PLCE1: variants seen among roughly 807,000 people sequenced by gnomAD.
The protein encoded by PLCE1 is phospholipase C epsilon 1, also known as 1-phosphatidylinositol 4,5-bisphosphate phosphodiesterase epsilon-1.
A neutral mutation model predicts 242.8 loss-of-function variants in PLCE1; 119 were observed. The observed-to-expected ratio is 0.49, with a 90% confidence interval of 0.42 to 0.57. The LOEUF (loss-of-function observed/expected upper bound fraction) is 0.57. PLCE1 is among the 20% of genes least tolerant of loss of function. The pLI is 0.00. For missense variants in PLCE1, 2,441 were observed against 2,788.8 expected, an observed-to-expected ratio of 0.88 and a Z score of 2.81; for synonymous variants, 945 against 1,017.4, an observed-to-expected ratio of 0.93 and a Z score of 1.35.
At chr10:94,094,002 C>T (rs1416612809) in intron 2 of PLCE1, among the ~76,000 whole-genome samples, 1 of 118,762 alleles carries the variant, frequency 8.4e-6, no homozygotes, top group Non-Finnish European at 1.6e-5. Context: ...AGTGCAGTGG[C>T]GGGATCTCGG....
At chr10:94,137,540 C>G (rs1474438801) in intron 3 of PLCE1, among the ~76,000 whole-genome samples, 1 of 152,058 alleles carries the variant, frequency 6.6e-6, no homozygotes, top group Non-Finnish European at 1.5e-5. Flanking sequence ...ATTGTACCAG[C>G]CAACATAATA....
intron 2 of PLCE1, among the ~76,000 whole-genome samples, chr10:94,054,066 A>G (rs1390231410): frequency 6.6e-6 from 1 of 152,134 alleles, no homozygotes; most frequent in East Asian, 1.9e-4. Flanking sequence ...ATAATTAAGG[A>G]AGTGAGTCTT....
At chr10:94,062,227 G>A (rs1328096209) in intron 2 of PLCE1, among the ~76,000 whole-genome samples, 1 of 152,168 alleles carries the variant, frequency 6.6e-6, no homozygotes, top group Non-Finnish European at 1.5e-5. Context: ...ACTTCACACA[G>A]TTATCTAACT....
chr10:94,108,290 T>A (rs2045828700), intron 2 of PLCE1: 1 of 152,106 alleles, frequency 6.6e-6, no homozygotes, highest in Non-Finnish European at 1.5e-5. Context: ...GAAGGAAGAG[T>A]CAGGGAGGCC....
chr10:94,212,557 A>T (rs1289206403), intron 4 of PLCE1, among the ~76,000 whole-genome samples: 1 of 151,986 alleles, frequency 6.6e-6, no homozygotes, highest in African/African-American at 2.4e-5. Context: ...CGCCCAGCCA[A>T]TTTTTGTATT....
chr10:94,156,651 G>T (rs1450889335), intron 3 of PLCE1, among the ~76,000 whole-genome samples: 1 of 152,148 alleles, frequency 6.6e-6, no homozygotes, highest in Non-Finnish European at 1.5e-5. Context: ...CATCACCTCA[G>T]CATGATTAAT....
chr10:94,158,950 G>A (rs1447532388), intron 3 of PLCE1, among the ~76,000 whole-genome samples: 12 of 143,028 alleles, frequency 8.4e-5, no homozygotes, highest in African/African-American at 1.8e-4. Flanking sequence ...TCCGCCTCCT[G>A]GGTTCGAGCG....
intron 11 of PLCE1, among the ~76,000 whole-genome samples, chr10:94,258,442 T>A (rs2051178988): frequency 6.6e-6 from 1 of 152,190 alleles, no homozygotes; most frequent in Admixed American, 6.5e-5. Flanking sequence ...TCCCATAGAT[T>A]AAGAGTGAGT....
At chr10:94,234,543 A>G (rs758096136) in intron 6 of PLCE1, among the ~76,000 whole-genome samples, 8 of 152,236 alleles carry the variant, frequency 5.3e-5, no homozygotes, top group Non-Finnish European at 1.2e-4. Flanking sequence ...TAGGTTTAAT[A>G]TGTAAGTACA....
At chr10:94,247,390 T>G (rs767897979) in intron 8 of PLCE1, among the ~76,000 whole-genome samples, 8 of 151,852 alleles carry the variant, frequency 5.3e-5, no homozygotes, top group Non-Finnish European at 8.8e-5. Context: ...TTCTCCCATC[T>G]GCAAAGAAAC....
chr10:94,258,990 A>G, intron 12 of PLCE1, 24 bp from the exon 13 acceptor site: 1 of 1,613,978 alleles, frequency 6.2e-7, no homozygotes, highest in Non-Finnish European at 8.5e-7. Flanking sequence ...ACTCAATGAG[A>G]GGTGTTTTCC....
intron 1 of PLCE1, among the ~76,000 whole-genome samples, chr10:94,020,010 T>C (rs2061349760): frequency 1.3e-5 from 2 of 152,234 alleles, no homozygotes; most frequent in African/African-American, 4.8e-5. Flanking sequence ...ATGCTTTTAC[T>C]TTTCTTCTAC....
chr10:94,128,732 G>A (rs1232140726), intron 2 of PLCE1, among the ~76,000 whole-genome samples: 2 of 152,188 alleles, frequency 1.3e-5, no homozygotes, highest in Non-Finnish European at 2.9e-5. Flanking sequence ...GAGGAGCTCA[G>A]TACATGTTGT....
rs1374170878 is a variant in PLCE1 at position 94,148,706 on chromosome 10, T to C, written c.1492+16247T>C. Among the ~76,000 whole-genome samples the C allele has an allele frequency of 3.3e-5, 5 of 151,842 alleles. No homozygotes were observed. In the East Asian group the frequency reaches 9.7e-4, roughly 29 times the overall value. On this transcript the variant is annotated intron_variant, in intron 3 of 32. Transcript: ENST00000371380. Reference sequence around the variant, plus strand: ...AAAGAGAGGGTAGAAAAAGGGACTATAGGAAGTGGAAGGAAAGGGAAAAGG... The same window carrying C: ...AAAGAGAGGGTAGAAAAAGGGACTACAGGAAGTGGAAGGAAAGGGAAAAGG...
At chr10:94,201,861 T>A (rs1178336852) in intron 4 of PLCE1, among the ~76,000 whole-genome samples, 1 of 152,186 alleles carries the variant, frequency 6.6e-6, no homozygotes, top group Non-Finnish European at 1.5e-5. Flanking sequence ...TTAATTGCTG[T>A]TCATTGAGAT....
chr10:94,222,729 C>T (rs1284578188), intron 4 of PLCE1, among the ~76,000 whole-genome samples: 1 of 152,176 alleles, frequency 6.6e-6, no homozygotes, highest in Middle Eastern at 3.2e-3. Flanking sequence ...ATGTATACCT[C>T]AGGCCTCAAG....
At chr10:94,004,833 C>T (rs2061003635) in intron 1 of PLCE1, among the ~76,000 whole-genome samples, 1 of 152,178 alleles carries the variant, frequency 6.6e-6, no homozygotes. Context: ...TTACCTGAGC[C>T]AGATGATCAT....
chr10:94,165,908 C>T (rs1001870684), intron 3 of PLCE1, among the ~76,000 whole-genome samples: 4 of 151,962 alleles, frequency 2.6e-5, no homozygotes, highest in Non-Finnish European at 4.4e-5. Flanking sequence ...GATTTCACCA[C>T]GTTGGCAAGG....
At chr10:93,997,124 A>G (rs2060840237) in intron 1 of PLCE1, among the ~76,000 whole-genome samples, 1 of 152,198 alleles carries the variant, frequency 6.6e-6, no homozygotes, top group Non-Finnish European at 1.5e-5. Flanking sequence ...TATATTACTC[A>G]GTCAATGTGA....
Sources: allele counts gnomAD v4.1 joint callset (sites outside exome capture counted in the v4.1 genomes callset), GRCh38; gene constraint gnomAD v4.1.1; transcripts MANE v1.5; gene names NCBI Gene and HGNC (gene_info 2026-07-23, HGNC 2026-07-21).